The following CNTN1 variants were observed in gnomAD, a reference collection of about 807,000 sequenced individuals.
CNTN1 encodes contactin-1.
CNTN1 carries 38 observed loss-of-function variants against 126.4 expected under a neutral mutation model. That is an observed-to-expected ratio of 0.30 (90% CI 0.23 to 0.39). The LOEUF (loss-of-function observed/expected upper bound fraction) is 0.39, where lower values mean the gene tolerates loss of function less well. CNTN1 is among the 10% of genes least tolerant of loss of function. The pLI, the probability that CNTN1 is intolerant of heterozygous loss-of-function variation, is 1.00. For synonymous variants in CNTN1, 413 were observed against 422.6 expected, an observed-to-expected ratio of 0.98 and a Z score of 0.28; for missense variants, 1,009 against 1,248.4, an observed-to-expected ratio of 0.81 and a Z score of 2.89.
Position 40,744,832 on chromosome 12 carries a change from G to C in CNTN1, c.-77+52240G>C, listed in dbSNP as rs183654964. On this transcript the variant is annotated intron_variant, in intron 1 of 23. Transcript: ENST00000551295. ...ATCTTTTGGTGCAAGAACTTCTCAT[G>C]GAGGCGTTTAACACCTATGTTACAT... Among the ~76,000 whole-genome samples the C allele has an allele frequency of 2.2e-4, 33 of 152,206 alleles. 1 individual carries two copies. The East Asian group carries it at 4.8e-3, about 22-fold the overall frequency.
At chr12:40,902,839 G>A (rs7303594) in intron 1 of CNTN1, among the ~76,000 whole-genome samples, 14,932 of 152,026 alleles carry the variant, frequency 0.098, 866 homozygotes, top group Non-Finnish European at 0.13. Flanking sequence ...CATGACAAGA[G>A]CTAGATGGAG....
At chr12:40,887,077 TAAAG>T (rs1944063376) in intron 1 of CNTN1, among the ~76,000 whole-genome samples, 1 of 151,994 alleles carries the variant, frequency 6.6e-6, no homozygotes, top group Non-Finnish European at 1.5e-5. Context: ...ATATGAACTT[TAAAG>T]TAGTTTTTTC....
At chr12:41,007,042 G>A (rs927925140) in intron 17 of CNTN1, among the ~76,000 whole-genome samples, 1 of 126,140 alleles carries the variant, frequency 7.9e-6, no homozygotes, top group African/African-American at 3.1e-5. Context: ...GCAGTTTTGT[G>A]TGGTTTTTTT....
At chr12:40,931,805 A>G (rs1945895330) in intron 7 of CNTN1, among the ~76,000 whole-genome samples, 1 of 151,964 alleles carries the variant, frequency 6.6e-6, no homozygotes, top group African/African-American at 2.4e-5. Flanking sequence ...ATGACCCAGG[A>G]ATCCACAAGT....
chr12:40,969,575 G>T (rs1452632425), intron 15 of CNTN1, among the ~76,000 whole-genome samples: 2 of 152,138 alleles, frequency 1.3e-5, no homozygotes, highest in African/African-American at 4.8e-5. Flanking sequence ...ACTGATTGCA[G>T]ATTTTGGCAT....
At chr12:40,899,089 G>A (rs1275093044) in intron 1 of CNTN1, among the ~76,000 whole-genome samples, 1 of 152,152 alleles carries the variant, frequency 6.6e-6, no homozygotes, top group East Asian at 1.9e-4. Flanking sequence ...GTGAGCTCTT[G>A]GATCTGGCAC....
At position 40,820,682 on chromosome 12, in the gene CNTN1, A is replaced by G. The variant is rs138667941; in HGVS notation, c.-76-87675A>G. ...CCTCTCCAGGTTGTTCACAGTGGCAATGGCTCTTGGTGACCTCAGTGGTGA... is the reference window on the plus strand; with the variant it reads ...CCTCTCCAGGTTGTTCACAGTGGCAGTGGCTCTTGGTGACCTCAGTGGTGA... On this transcript the variant is annotated intron_variant, in intron 1 of 23. Transcript: ENST00000551295. 4.6e-5 allele frequency among the ~76,000 whole-genome samples: 7 copies of G among 152,178 alleles called. No individual in the cohort carries two copies. The East Asian group carries it at 1.4e-3, about 29-fold the overall frequency.
intron 1 of CNTN1, among the ~76,000 whole-genome samples, chr12:40,738,696 G>A (rs1937805080): frequency 6.6e-6 from 1 of 151,964 alleles, no homozygotes; most frequent in African/African-American, 2.4e-5. Context: ...TCAGAGAAGA[G>A]AAAATCTCAA....
intron 15 of CNTN1, among the ~76,000 whole-genome samples, chr12:40,975,721 A>C (rs1947654462): frequency 6.6e-6 from 1 of 152,166 alleles, no homozygotes; most frequent in Non-Finnish European, 1.5e-5. Context: ...CCACCATCTG[A>C]AGTACAGAAA....
rs551357200 is a variant in CNTN1 at position 41,026,659 on chromosome 12, T to C, written c.2711-1198T>C. On this transcript the variant is annotated intron_variant, in intron 21 of 23. Coordinates refer to ENST00000551295, the MANE Select transcript of CNTN1 (RefSeq NM_001843.4). ...TAGGTTCTGAGTAAGGAGGGGGAAG[T>C]GTTCTGGGGCCCAATTACGGAGAAC... is the stretch of plus-strand genomic sequence containing the variant. Among the ~76,000 whole-genome samples the C allele has an allele frequency of 3.9e-5, 6 of 152,190 alleles. No individual in the cohort carries two copies. The East Asian group carries it at 1.2e-3, about 29-fold the overall frequency.
rs937573837 is a variant in CNTN1, at chr12:41,060,137, A to G, written c.2981-9822A>G. ...TTGAGTCTCATGGCCAGTTAGTTTC[A>G]CTCTTTCTCTTTATTGTCAATACCC... is the stretch of plus-strand genomic sequence containing the variant. On this transcript the variant is annotated intron_variant, in intron 23 of 23. Coordinates refer to ENST00000551295, the MANE Select transcript of CNTN1 (RefSeq NM_001843.4). Among the ~76,000 whole-genome samples, 6 of 152,102 alleles carry G rather than the reference A, an allele frequency of 3.9e-5. No homozygotes were observed. The East Asian group carries it at 1.2e-3, about 29-fold the overall frequency.
At position 40,716,576 on chromosome 12, in the gene CNTN1, G is replaced by C. The variant is rs150760634; in HGVS notation, c.-77+23984G>C. ...ACATGGGCAATTACAAATGTATCTA[G>C]AGACTGAGACACTAGCTGCATTTCC... On this transcript the variant is annotated intron_variant, in intron 1 of 23. Transcript: ENST00000551295. Among the ~76,000 whole-genome samples the C allele has an allele frequency of 2.4e-4, 37 of 152,330 alleles. No individual in the cohort carries two copies. The East Asian group carries it at 6.4e-3, about 26-fold the overall frequency.
At chr12:40,790,661 TC>T in intron 1 of CNTN1, among the ~76,000 whole-genome samples, 1 of 152,062 alleles carries the variant, frequency 6.6e-6, no homozygotes. Flanking sequence ...ACAGCACCCC[TC>T]ATTCAAAACC....
chr12:40,822,294 AC>A (rs989845458), intron 1 of CNTN1, among the ~76,000 whole-genome samples: 5 of 151,404 alleles, frequency 3.3e-5, no homozygotes, highest in African/African-American at 1.2e-4. Flanking sequence ...AGCTGGGATT[AC>A]AGGTGCCCGA....
intron 1 of CNTN1, among the ~76,000 whole-genome samples, chr12:40,823,666 A>G (rs1329050966): frequency 3.7e-4 from 56 of 152,058 alleles, no homozygotes; most frequent in Admixed American, 3.7e-3. Flanking sequence ...TCAGGGCTTT[A>G]TTTTCCATCT....
intron 1 of CNTN1, among the ~76,000 whole-genome samples, chr12:40,770,194 T>C (rs1939282816): frequency 6.6e-6 from 1 of 152,120 alleles, no homozygotes; most frequent in African/African-American, 2.4e-5. Context: ...CACTGTTACC[T>C]GGAAAGAGGG....
chr12:40,946,718 TAA>T (rs1666502925), intron 14 of CNTN1, among the ~76,000 whole-genome samples: 4 of 152,128 alleles, frequency 2.6e-5, no homozygotes, highest in Admixed American at 2.6e-4. Context: ...TTCAAGAACC[TAA>T]GTTTTTATTT....
chr12:40,843,357 T>C (rs1411585761), intron 1 of CNTN1, among the ~76,000 whole-genome samples: 1 of 152,184 alleles, frequency 6.6e-6, no homozygotes, highest in African/African-American at 2.4e-5. Flanking sequence ...GTTCTTTGAA[T>C]ATTTTAATAA....
At chr12:40,792,227 C>A (rs989619273) in intron 1 of CNTN1, among the ~76,000 whole-genome samples, 1 of 151,960 alleles carries the variant, frequency 6.6e-6, no homozygotes, top group Non-Finnish European at 1.5e-5. Context: ...CAGCAGCACC[C>A]AAATCTCAGC....
Sources: allele counts gnomAD v4.1 joint callset (sites outside exome capture counted in the v4.1 genomes callset), GRCh38; gene constraint gnomAD v4.1.1; transcripts MANE v1.5; gene names NCBI Gene and HGNC (gene_info 2026-07-23, HGNC 2026-07-21).